The following LRRTM4 variants were observed in gnomAD, a reference collection of about 807,000 sequenced individuals.
The protein encoded by LRRTM4 is leucine-rich repeat transmembrane neuronal protein 4.
A neutral mutation model predicts 47.6 loss-of-function variants in LRRTM4; 25 were observed. The observed-to-expected ratio is 0.53, with a 90% CI of 0.38 to 0.73. The LOEUF (loss-of-function observed/expected upper bound fraction) is 0.73, where lower values mean the gene tolerates loss of function less well. LRRTM4 is among the 30% of genes least tolerant of loss of function. The pLI is 0.00. For missense variants in LRRTM4, 638 were observed against 713.4 expected (o/e 0.89, Z 1.20); for synonymous variants, 311 against 269.5 (o/e 1.15, Z -1.51).
intron 3 of LRRTM4, among the ~76,000 whole-genome samples, chr2:77,051,364 G>C (rs948017982): frequency 6.6e-6 from 1 of 152,094 alleles, no homozygotes. Context: ...TTAGGGAGAG[G>C]CCAAGTGAGA....
At chr2:77,352,874 C>A (rs1430775105) in intron 3 of LRRTM4, among the ~76,000 whole-genome samples, 1 of 151,770 alleles carries the variant, frequency 6.6e-6, no homozygotes, top group African/African-American at 2.4e-5. Context: ...AGCAAGAAGC[C>A]TAATTGGTAA....
chr2:76,990,248 A>G (rs1325445379), intron 3 of LRRTM4, among the ~76,000 whole-genome samples: 1 of 151,828 alleles, frequency 6.6e-6, no homozygotes, highest in African/African-American at 2.4e-5. Flanking sequence ...AAACCACAAA[A>G]TAAAAACTAC....
rs184261653 is a variant in LRRTM4, at chr2:77,138,085, G to A, written c.1551+380233C>T. On this transcript the variant is annotated intron_variant, in intron 3 of 3. Transcript: ENST00000409884. The stretch of plus-strand genomic sequence containing the variant: ...GATCAATGAGACAGAAAGTTAACAA[G>A]GATATCCAGGAATTGAATTCAGCTC... 1.6e-3 allele frequency among the ~76,000 whole-genome samples: 251 copies of A among 152,218 alleles called. 1 individual carries two copies. The highest frequency in any genetic ancestry group is 5.6e-3 in the African/African-American group (233 of 41,532).
At chr2:77,196,023 C>T (rs1045367417) in intron 3 of LRRTM4, among the ~76,000 whole-genome samples, 4 of 152,094 alleles carry the variant, frequency 2.6e-5, no homozygotes, top group Admixed American at 6.6e-5. Context: ...TTATTGCCCT[C>T]CAATGATCCA....
At chr2:77,443,302 G>T (rs1675919226) in intron 3 of LRRTM4, among the ~76,000 whole-genome samples, 1 of 152,110 alleles carries the variant, frequency 6.6e-6, no homozygotes, top group South Asian at 2.1e-4. Context: ...GAGTCACAGG[G>T]ATTGGAAGGA....
chr2:76,828,763 C>G (rs1671255256), intron 3 of LRRTM4, among the ~76,000 whole-genome samples: 1 of 151,842 alleles, frequency 6.6e-6, no homozygotes, highest in African/African-American at 2.4e-5. Flanking sequence ...CTTCTGTCTC[C>G]CAGCTTCTTT....
At chr2:76,766,106 G>C (rs60881718) in intron 3 of LRRTM4, among the ~76,000 whole-genome samples, 16,445 of 152,112 alleles carry the variant, frequency 0.11, 1,212 homozygotes, top group East Asian at 0.3. Context: ...AAGTACCTCT[G>C]AATTTAGGGA....
chr2:77,471,471 G>A (rs1677186555), intron 3 of LRRTM4, among the ~76,000 whole-genome samples: 1 of 152,000 alleles, frequency 6.6e-6, no homozygotes. Context: ...TATTGATTAT[G>A]TCACTCATCT....
chr2:76,954,588 C>T (rs777383475), intron 3 of LRRTM4, among the ~76,000 whole-genome samples: 10 of 151,204 alleles, frequency 6.6e-5, no homozygotes, highest in South Asian at 2.1e-4. Flanking sequence ...GAGTTCCAGA[C>T]GAAGAAGAAG....
At chr2:77,160,348 T>G (rs1672677909) in intron 3 of LRRTM4, among the ~76,000 whole-genome samples, 1 of 152,186 alleles carries the variant, frequency 6.6e-6, no homozygotes, top group Non-Finnish European at 1.5e-5. Context: ...ACACTTTCCA[T>G]ACAATTTTGT....
intron 3 of LRRTM4, among the ~76,000 whole-genome samples, chr2:76,794,044 A>T (rs1165494384): frequency 6.6e-6 from 1 of 152,282 alleles, no homozygotes; most frequent in South Asian, 2.1e-4. Flanking sequence ...TGGGCTAGGG[A>T]AGTCCAACCA....
At chr2:77,319,574 A>G (rs1677727234) in intron 3 of LRRTM4, among the ~76,000 whole-genome samples, 2 of 152,204 alleles carry the variant, frequency 1.3e-5, no homozygotes, top group Admixed American at 6.5e-5. Flanking sequence ...CCTTCAGCTT[A>G]TCCTTATGTC....
chr2:77,357,759 C>A (rs993635990), intron 3 of LRRTM4, among the ~76,000 whole-genome samples: 1 of 152,010 alleles, frequency 6.6e-6, no homozygotes, highest in Admixed American at 6.6e-5. Context: ...AAATCTTGTA[C>A]TTTTTAATGA....
At chr2:77,307,629 T>C (rs1677322335) in intron 3 of LRRTM4, among the ~76,000 whole-genome samples, 1 of 66,054 alleles carries the variant, frequency 1.5e-5, no homozygotes, top group Non-Finnish European at 2.3e-5. Context: ...ATTATAGAAA[T>C]ATAAATATAT....
intron 3 of LRRTM4, among the ~76,000 whole-genome samples, chr2:77,148,427 CT>C (rs769887724): frequency 1.3e-5 from 2 of 152,076 alleles, no homozygotes; most frequent in African/African-American, 2.4e-5. Flanking sequence ...TTTCATCATT[CT>C]TTTTTTCCCC....
chr2:77,108,627 A>G (rs1177590390), intron 3 of LRRTM4, among the ~76,000 whole-genome samples: 2 of 143,548 alleles, frequency 1.4e-5, no homozygotes, highest in African/African-American at 2.6e-5. Flanking sequence ...TCTGTCGCCC[A>G]GGCTGGAGTG....
At chr2:77,098,183 A>T (rs996965264) in intron 3 of LRRTM4, among the ~76,000 whole-genome samples, 1 of 151,996 alleles carries the variant, frequency 6.6e-6, no homozygotes, top group Non-Finnish European at 1.5e-5. Flanking sequence ...TTAAAAAAAA[A>T]TTTTGTGGAA....
chr2:77,027,738 A>C (rs1321001728), intron 3 of LRRTM4, among the ~76,000 whole-genome samples: 1 of 152,170 alleles, frequency 6.6e-6, no homozygotes, highest in Admixed American at 6.5e-5. Context: ...AATAACATGC[A>C]AAGGAAATAT....
chr2:76,969,229 C>T (rs991524466), intron 3 of LRRTM4, among the ~76,000 whole-genome samples: 1 of 152,002 alleles, frequency 6.6e-6, no homozygotes, highest in South Asian at 2.1e-4. Context: ...ATAGCATAGA[C>T]CTTGTTTCTT....
Sources: gnomAD v4.1 joint callset for allele counts (sites outside exome capture counted in the v4.1 genomes callset) on GRCh38, gnomAD v4.1.1 for gene constraint, MANE v1.5 for transcripts, NCBI Gene and HGNC (gene_info 2026-07-23, HGNC 2026-07-21) for gene names.